The following ACYP2 variants were observed in gnomAD, a reference collection of about 807,000 sequenced individuals.
The protein encoded by ACYP2 is acylphosphatase-2.
Under a neutral mutation model 11.2 loss-of-function variants are expected in ACYP2, and 12 were observed. The observed-to-expected ratio is 1.08, with a 90% CI of 0.69 to 1.74. The LOEUF (loss-of-function observed/expected upper bound fraction) is 1.74, where lower values mean the gene tolerates loss of function less well. ACYP2 is among the 40% of genes most tolerant of loss of function. The pLI, the probability that ACYP2 is intolerant of heterozygous loss-of-function variation, is 0.00. For missense variants in ACYP2, 134 were observed against 101.9 expected (o/e 1.31, Z -1.35); for synonymous variants, 43 against 32.2 (o/e 1.33, Z -1.13).
chr2:54,068,295 C>A (rs941877072), intron 4 of ACYP2, among the ~76,000 whole-genome samples: 1 of 152,156 alleles, frequency 6.6e-6, no homozygotes, highest in African/African-American at 2.4e-5. Flanking sequence ...AAAGATCTAC[C>A]TTATAAAAGA....
rs577546363 is a variant in ACYP2, at chr2:54,136,858, C to T, written c.294+1389C>T. On this transcript the variant is annotated intron_variant, in intron 5 of 6. Coordinates refer to ENST00000607452, the MANE Select transcript of ACYP2 (RefSeq NM_001320586.2). ...GGGCATGGTGGCAGATGCCTGTAATCCGAGCTACTTGGGAGGCTGAGGCAG... is the reference window on the plus strand; with the variant it reads ...GGGCATGGTGGCAGATGCCTGTAATTCGAGCTACTTGGGAGGCTGAGGCAG... Among the ~76,000 whole-genome samples the T allele has an allele frequency of 1.1e-4, 17 of 152,174 alleles. No homozygotes were observed. The South Asian group carries it at 3.5e-3, about 32-fold the overall frequency.
At chr2:54,189,588 G>A (rs1009553743) in intron 6 of ACYP2, among the ~76,000 whole-genome samples, 1 of 151,562 alleles carries the variant, frequency 6.6e-6, no homozygotes, top group African/African-American at 2.4e-5. Flanking sequence ...GTATATCTGT[G>A]TTTTTTTTCC....
intron 2 of ACYP2, among the ~76,000 whole-genome samples, chr2:54,003,240 G>A (rs899782394): frequency 3.3e-5 from 5 of 151,944 alleles, no homozygotes; most frequent in South Asian, 4.1e-4. Flanking sequence ...GAGCCAGTGC[G>A]CCCAGCCGAG....
intron 6 of ACYP2, among the ~76,000 whole-genome samples, chr2:54,205,400 G>A (rs1685032504): frequency 6.6e-6 from 1 of 152,190 alleles, no homozygotes; most frequent in Non-Finnish European, 1.5e-5. Context: ...GTGACCTACT[G>A]TTTTCTGTTC....
chr2:54,008,462 G>C (rs1199915965), intron 2 of ACYP2, among the ~76,000 whole-genome samples: 1 of 152,158 alleles, frequency 6.6e-6, no homozygotes, highest in Non-Finnish European at 1.5e-5. Flanking sequence ...TATGTGAATA[G>C]TCTGAAGGCT....
intron 6 of ACYP2, among the ~76,000 whole-genome samples, chr2:54,303,277 G>T (rs535674446): frequency 6.6e-6 from 1 of 152,240 alleles, no homozygotes; most frequent in Non-Finnish European, 1.5e-5. Context: ...CTTGAGCCCT[G>T]AAGGTCAAGG....
chr2:54,089,395 G>GAT (rs58165820), intron 4 of ACYP2, among the ~76,000 whole-genome samples: 16,477 of 148,008 alleles, frequency 0.11, 919 homozygotes, highest in Non-Finnish European at 0.14. Flanking sequence ...CAGAAGTTCA[G>GAT]ATATATATAT....
chr2:54,004,404 CTTTTTT>C (rs1168703943), intron 2 of ACYP2, among the ~76,000 whole-genome samples: 1 of 92,060 alleles, frequency 1.1e-5, no homozygotes, highest in Non-Finnish European at 1.9e-5. Context: ...GTAGTTTAGC[CTTTTTT>C]TTTTTTTTTT....
chr2:54,299,308 G>C (rs965414249), intron 6 of ACYP2, among the ~76,000 whole-genome samples: 1 of 152,010 alleles, frequency 6.6e-6, no homozygotes, highest in African/African-American at 2.4e-5. Flanking sequence ...GAAAACCTAA[G>C]ACTGGCCGGG....
At chr2:54,086,160 G>A (rs1677935240) in intron 4 of ACYP2, among the ~76,000 whole-genome samples, 1 of 152,090 alleles carries the variant, frequency 6.6e-6, no homozygotes, top group Non-Finnish European at 1.5e-5. Flanking sequence ...GGCCAGGCTG[G>A]TCTCAAACTC....
intron 2 of ACYP2, among the ~76,000 whole-genome samples, chr2:53,992,381 A>T (rs1430732677): frequency 6.6e-6 from 1 of 152,208 alleles, no homozygotes; most frequent in Non-Finnish European, 1.5e-5. Flanking sequence ...CTTTCAAAAG[A>T]TCTCTCCTGA....
intron 6 of ACYP2, among the ~76,000 whole-genome samples, chr2:54,256,943 A>G (rs1296361727): frequency 6.6e-6 from 1 of 152,246 alleles, no homozygotes; most frequent in Non-Finnish European, 1.5e-5. Context: ...CTGGGATTAC[A>G]GGCATGAGCA....
chr2:54,013,523 C>A (rs907125810), intron 2 of ACYP2, among the ~76,000 whole-genome samples: 1 of 151,904 alleles, frequency 6.6e-6, no homozygotes. Flanking sequence ...TGGTCTTGAA[C>A]TCCTGACCTC....
At chr2:54,298,390 C>T (rs1046135838) in intron 6 of ACYP2, among the ~76,000 whole-genome samples, 15 of 152,178 alleles carry the variant, frequency 9.9e-5, no homozygotes, top group Admixed American at 2.6e-4. Flanking sequence ...ATATTTTGAA[C>T]GCATGCATTT....
chr2:54,084,906 T>A (rs755082419), intron 4 of ACYP2: 1 of 152,184 alleles, frequency 6.6e-6, no homozygotes, highest in Non-Finnish European at 1.5e-5. Context: ...TAGTAGATGA[T>A]AATATTGAAA....
chr2:54,103,537 C>T (rs1679011108), intron 4 of ACYP2, among the ~76,000 whole-genome samples: 1 of 152,070 alleles, frequency 6.6e-6, no homozygotes, highest in South Asian at 2.1e-4. Context: ...CACATAGATC[C>T]ATGCAATGGG....
At chr2:54,009,997 A>G (rs778903762) in intron 2 of ACYP2, among the ~76,000 whole-genome samples, 20 of 152,156 alleles carry the variant, frequency 1.3e-4, no homozygotes, top group Non-Finnish European at 2.8e-4. Flanking sequence ...CCTCAGTCCT[A>G]CTGGTTGAAT....
rs547290219 is a variant in ACYP2, at chr2:54,224,465, G to C, written c.405-80223G>C. Reference sequence around the variant, plus strand: ...TCTATGGACTCAGAATGGGGAGTGCGTGCTGATTGGTTTGTGTGTATGCAA... The same window carrying C: ...TCTATGGACTCAGAATGGGGAGTGCCTGCTGATTGGTTTGTGTGTATGCAA... On this transcript the variant is annotated intron_variant, in intron 6 of 6. Coordinates refer to ENST00000607452, the MANE Select transcript of ACYP2 (RefSeq NM_001320586.2). 3.3e-5 allele frequency among the ~76,000 whole-genome samples: 5 copies of C among 152,322 alleles called. No homozygotes were observed. The South Asian group carries it at 8.3e-4, about 25-fold the overall frequency.
At chr2:54,275,927 A>G (rs1688542300) in intron 6 of ACYP2, among the ~76,000 whole-genome samples, 1 of 152,170 alleles carries the variant, frequency 6.6e-6, no homozygotes, top group African/African-American at 2.4e-5. Context: ...TATGTATGAT[A>G]GGAGTTTACA....
Sources: gnomAD v4.1 joint callset for allele counts (sites outside exome capture counted in the v4.1 genomes callset) on GRCh38, gnomAD v4.1.1 for gene constraint, MANE v1.5 for transcripts, NCBI Gene and HGNC (gene_info 2026-07-23, HGNC 2026-07-21) for gene names.